Variants in EDA observed in about 807,000 individuals in gnomAD.
EDA encodes the protein ectodysplasin A, also known as ectodysplasin-A.
Under a neutral mutation model 23.6 loss-of-function variants are expected in EDA, and 2 were observed. The ratio of observed to expected loss-of-function variants is 0.08; its 90% confidence interval spans 0.03 to 0.27. The LOEUF is 0.27. Among genes scored for constraint, EDA ranks in the 10% least tolerant of loss-of-function variants. The pLI, the probability that EDA is intolerant of heterozygous loss-of-function variation, is 1.00. For synonymous variants in EDA, 131 were observed against 132.0 expected, an observed-to-expected ratio of 0.99 and a Z score of 0.05; for missense variants, 229 against 324.2, an observed-to-expected ratio of 0.71 and a Z score of 2.26.
At chrX:69,817,786 C>T (rs2016115411) in intron 1 of EDA, among the ~76,000 whole-genome samples, 1 of 111,337 alleles carries the variant, frequency 9.0e-6, no homozygotes, top group Admixed American at 9.5e-5. Context: ...AGCTTTGACA[C>T]CCCACTGACA....
Position 69,677,726 on chromosome X carries a change from C to T in EDA, c.396+61022C>T, listed in dbSNP as rs753766499. On this transcript the variant is annotated intron_variant, in intron 1 of 7. Coordinates refer to ENST00000374552, the MANE Select transcript of EDA (RefSeq NM_001399.5). ...TTCATTGTAGATTCTGGATGTTAGC[C>T]CTTTGTCAGATGAGTAGGTTGTGAA... Among the ~76,000 whole-genome samples the T allele has an allele frequency of 7.8e-3, 869 of 111,215 alleles. 11 individuals carry two copies. The highest frequency in any genetic ancestry group is 0.027 in the African/African-American group (824 of 30,489).
intron 1 of EDA, among the ~76,000 whole-genome samples, chrX:69,931,444 G>A (rs2018597080): frequency 1.8e-5 from 2 of 111,682 alleles, no homozygotes; most frequent in Non-Finnish European, 3.8e-5. Flanking sequence ...CTACTTGGGA[G>A]GCTGAGGTAA....
At chrX:69,829,423 G>C (rs776282879) in intron 1 of EDA, among the ~76,000 whole-genome samples, 1 of 112,019 alleles carries the variant, frequency 8.9e-6, no homozygotes, top group Non-Finnish European at 1.9e-5. Flanking sequence ...TCCTTTTTCT[G>C]TTACTGCTTT....
chrX:69,846,798 CAT>C (rs1051289733), intron 1 of EDA, among the ~76,000 whole-genome samples: 14 of 111,638 alleles, frequency 1.3e-4, no homozygotes, highest in African/African-American at 3.3e-4. Flanking sequence ...TCAGCAGAAA[CAT>C]GTGTTTACTT....
chrX:69,680,729 T>C (rs1337459505), intron 1 of EDA, among the ~76,000 whole-genome samples: 1 of 91,224 alleles, frequency 1.1e-5, no homozygotes, highest in African/African-American at 4.3e-5. Context: ...GCACGTGAGA[T>C]GGGTTTCCTG....
At position 70,035,722 on chromosome X, in the gene EDA, G is replaced by GA; in HGVS notation, c.*116dup. On this transcript the variant is annotated 3_prime_UTR_variant, in exon 8 of 8. Coordinates refer to ENST00000374552, the MANE Select transcript of EDA (RefSeq NM_001399.5). ...GGTGTATTGGTGTTGCAGCCGCAGAGAAATGCCCCAGTGTTATTTATTCCC... is the reference window on the plus strand; with the variant it reads ...GGTGTATTGGTGTTGCAGCCGCAGAGAAAATGCCCCAGTGTTATTTATTCCC... 1 of 946,637 alleles carries GA rather than the reference G, an allele frequency of 1.1e-6. No individual in the cohort carries two copies. The highest frequency in any genetic ancestry group is 1.5e-6 in the Non-Finnish European group (1 of 676,353). 78.0% of individuals were successfully genotyped at this position (946,637 alleles called of 1,213,427 possible). A position where few individuals can be genotyped will look rare whatever the true frequency, so the allele number is the denominator to read the frequency against.
intron 1 of EDA, among the ~76,000 whole-genome samples, chrX:69,787,439 C>A (rs2147462558): frequency 1.9e-5 from 2 of 106,170 alleles, no homozygotes; most frequent in Non-Finnish European, 3.9e-5. Context: ...CCGGTTGTTC[C>A]TTTCCATGTT....
intron 2 of EDA, among the ~76,000 whole-genome samples, chrX:70,013,375 C>G (rs1321630210): frequency 9.0e-6 from 1 of 111,105 alleles, no homozygotes; most frequent in Non-Finnish European, 1.9e-5. Flanking sequence ...GGGCCCCCAA[C>G]TTGGGATCTC....
At chrX:69,742,555 T>G (rs2013492111) in intron 1 of EDA, among the ~76,000 whole-genome samples, 1 of 112,353 alleles carries the variant, frequency 8.9e-6, no homozygotes, top group Admixed American at 9.4e-5. Context: ...CAGTTGTTGC[T>G]TTTTTATAAT....
At chrX:69,711,142 C>T (rs1274563523) in intron 1 of EDA, among the ~76,000 whole-genome samples, 1 of 111,143 alleles carries the variant, frequency 9.0e-6, no homozygotes, top group African/African-American at 3.3e-5. Flanking sequence ...TCATAGATAG[C>T]TCTTATTATT....
At chrX:69,660,575 A>T (rs1192745179) in intron 1 of EDA, among the ~76,000 whole-genome samples, 3 of 108,051 alleles carry the variant, frequency 2.8e-5, no homozygotes, top group Non-Finnish European at 3.8e-5. Context: ...CCCACCTATG[A>T]GTGAGTACAT....
At chrX:69,730,326 A>G (rs2012974271) in intron 1 of EDA, among the ~76,000 whole-genome samples, 1 of 110,028 alleles carries the variant, frequency 9.1e-6, no homozygotes, top group African/African-American at 3.3e-5. Context: ...CCTGGAGGAG[A>G]TGAACCTTGA....
At position 69,616,392 on chromosome X, in the gene EDA, C is replaced by G; in HGVS notation, c.84C>G (p.Gly28=). The part of the protein sequence containing the change: ...RERGSQGCGC[G]GAPARAGEGN... ...GAGGGAGCCAGGGCTGCGGGTGTGG[C>G]GGGGCCCCTGCCCGGGCGGGCGAAG... The change falls in exon 1 of 8, where the codon GGC becomes GGG. Residue 28 remains glycine, a synonymous_variant. Transcript: ENST00000374552. 1.7e-6 allele frequency: 2 copies of G among 1,203,169 alleles called. No homozygotes were observed. The highest frequency in any genetic ancestry group is 2.2e-6 in the Non-Finnish European group (2 of 893,082).
rs183073940 is a variant in EDA at position 69,930,691 on chromosome X, C to G, written c.397-26336C>G. Among the ~76,000 whole-genome samples the G allele has an allele frequency of 3.7e-3, 414 of 110,768 alleles. 1 individual carries two copies. The highest frequency in any genetic ancestry group is 5.9e-3 in the Non-Finnish European group (311 of 52,821). The stretch of plus-strand genomic sequence containing the variant: ...GGTTCTAGCCAGTGAAATAAGGAAG[C>G]AATAAATAAGAGGCAACCAATTTAG... On this transcript the variant is annotated intron_variant, in intron 1 of 7. Transcript: ENST00000374552.
chrX:69,892,482 G>C (rs1222260696), intron 1 of EDA, among the ~76,000 whole-genome samples: 1 of 110,542 alleles, frequency 9.0e-6, no homozygotes, highest in East Asian at 2.8e-4. Flanking sequence ...CTTATGCTGT[G>C]ACCACAGCTA....
chrX:69,870,035 C>T (rs751199924), intron 1 of EDA, among the ~76,000 whole-genome samples: 52 of 111,959 alleles, frequency 4.6e-4, no homozygotes, highest in African/African-American at 1.5e-3. Context: ...TCCACTCCAC[C>T]ATCCCAATCT....
intron 1 of EDA, among the ~76,000 whole-genome samples, chrX:69,662,557 C>T (rs1933547771): frequency 8.9e-6 from 1 of 112,105 alleles, no homozygotes; most frequent in African/African-American, 3.2e-5. Flanking sequence ...TCTTTATTAG[C>T]AGCGTGAAAA....
intron 1 of EDA, among the ~76,000 whole-genome samples, chrX:69,726,405 A>G (rs956652988): frequency 8.9e-6 from 1 of 112,151 alleles, no homozygotes; most frequent in Non-Finnish European, 1.9e-5. Flanking sequence ...ACCATTTTTC[A>G]CAAAGACTGA....
intron 1 of EDA, among the ~76,000 whole-genome samples, chrX:69,715,083 T>TTA (rs2012269045): frequency 1.6e-5 from 1 of 62,346 alleles, no homozygotes; most frequent in Non-Finnish European, 3.5e-5. Context: ...TTTTTTTTTT[T>TTA]ACTTTTTGTA....
Sources: allele counts gnomAD v4.1 joint callset (sites outside exome capture counted in the v4.1 genomes callset), GRCh38; gene constraint gnomAD v4.1.1; transcripts MANE v1.5; gene names NCBI Gene and HGNC (gene_info 2026-07-23, HGNC 2026-07-21).